Variants in SOX6 observed in about 807,000 individuals in gnomAD.
SOX6 encodes transcription factor SOX-6.
Under a neutral mutation model 97.8 loss-of-function variants are expected in SOX6, and 11 were observed. The observed-to-expected ratio is 0.11, with a 90% CI of 0.07 to 0.19. The LOEUF (loss-of-function observed/expected upper bound fraction) is 0.19, where lower values mean the gene tolerates loss of function less well. Ranked by LOEUF, SOX6 falls within the 10% of genes least tolerant of loss-of-function variation. The probability of loss-of-function intolerance (pLI) is 1.00; values close to 1 mark genes in which losing one functional copy is unlikely to be tolerated. For synonymous variants in SOX6, 360 were observed against 371.4 expected (o/e 0.97, Z 0.35); for missense variants, 810 against 1,039.5 (o/e 0.78, Z 3.04).
chr11:16,180,455 T>TA (rs1443976563), intron 6 of SOX6, among the ~76,000 whole-genome samples: 1 of 151,706 alleles, frequency 6.6e-6, no homozygotes, highest in Non-Finnish European at 1.5e-5. Context: ...ATAGACTTGG[T>TA]AAAAAATATG....
intron 2 of SOX6, among the ~76,000 whole-genome samples, chr11:16,338,426 T>G (rs1856531975): frequency 6.6e-6 from 1 of 151,734 alleles, no homozygotes; most frequent in Non-Finnish European, 1.5e-5. Context: ...CCTTCTATTG[T>G]TTTTTTTCCT....
chr11:16,596,281 A>G (rs1848212385), intron 4 of SOX6, among the ~76,000 whole-genome samples: 1 of 152,234 alleles, frequency 6.6e-6, no homozygotes, highest in Non-Finnish European at 1.5e-5. Flanking sequence ...GGAAAGTAAT[A>G]ATTTGAAAGA....
intron 4 of SOX6, among the ~76,000 whole-genome samples, chr11:16,540,349 C>G (rs1460018705): frequency 6.6e-6 from 1 of 152,024 alleles, no homozygotes; most frequent in East Asian, 1.9e-4. Context: ...CTATGACAAA[C>G]CCACAGCCAA....
In SOX6 at chr11:16,601,603, GA is replaced by G. The variant is rs76555246; in HGVS notation, n.609+10477del. Among the ~76,000 whole-genome samples the G allele has an allele frequency of 3.3e-4, 50 of 152,120 alleles. No individual in the cohort carries two copies. In the East Asian group the frequency reaches 8.9e-3, roughly 27 times the overall value. Reference sequence around the variant, plus strand: ...TAACCGAACAAAACAGAAAAGCATAGAAAATATTAAAAGTAGGTGTTAAAGC... The same window carrying G: ...TAACCGAACAAAACAGAAAAGCATAGAAATATTAAAAGTAGGTGTTAAAGC... On this transcript the variant is annotated intron_variant and non_coding_transcript_variant, in intron 4 of 5. Coordinates refer to the SOX6 transcript ENST00000524520.
chr11:16,045,594 T>C (rs1193865128), intron 12 of SOX6, among the ~76,000 whole-genome samples: 2 of 152,124 alleles, frequency 1.3e-5, no homozygotes, highest in Non-Finnish European at 2.9e-5. Context: ...GCCCAGCCTA[T>C]CACTTTTACT....
At chr11:16,434,410 C>T (rs2133079231) in intron 1 of SOX6, 1 of 152,254 alleles carries the variant, frequency 6.6e-6, no homozygotes, top group South Asian at 2.1e-4. Context: ...GACTAGTGTG[C>T]AAGATAAAGA....
intron 3 of SOX6, among the ~76,000 whole-genome samples, chr11:16,662,743 T>C (rs947065230): frequency 1.2e-4 from 18 of 152,304 alleles, no homozygotes; most frequent in Admixed American, 9.8e-4. Context: ...ACCCAGGTGG[T>C]TGTGCAGTGG....
At chr11:16,639,124 T>C (rs575831372) in intron 3 of SOX6, among the ~76,000 whole-genome samples, 7 of 152,364 alleles carry the variant, frequency 4.6e-5, no homozygotes, top group African/African-American at 1.7e-4. Context: ...GTTTCAGCTT[T>C]CTACATATGG....
At chr11:16,612,832 T>C (rs1215385072) in intron 3 of SOX6, among the ~76,000 whole-genome samples, 1 of 152,122 alleles carries the variant, frequency 6.6e-6, no homozygotes, top group African/African-American at 2.4e-5. Context: ...AGCTGGAATC[T>C]GGGAACCTTA....
chr11:16,198,198 C>T (rs531292602), intron 4 of SOX6, among the ~76,000 whole-genome samples: 16 of 150,068 alleles, frequency 1.1e-4, no homozygotes, highest in South Asian at 2.1e-4. Context: ...GGATTACAGG[C>T]GCCTGCCACC....
chr11:16,118,003 C>A (rs1020425955), intron 6 of SOX6, among the ~76,000 whole-genome samples: 15 of 152,212 alleles, frequency 9.9e-5, no homozygotes, highest in Admixed American at 1.3e-4. Flanking sequence ...TCCCTAAACA[C>A]AAATTCAGAG....
intron 14 of SOX6, 100 bp from the exon 15 acceptor site, chr11:15,986,520 G>A (rs992872768): frequency 1.0e-5 from 12 of 1,147,698 alleles, no homozygotes; most frequent in African/African-American, 6.1e-5. Context: ...TCATCTGTGC[G>A]CTGGGTGGCT....
chr11:16,494,299 C>T (rs1860558940), intron 4 of SOX6, among the ~76,000 whole-genome samples: 1 of 152,124 alleles, frequency 6.6e-6, no homozygotes, highest in African/African-American at 2.4e-5. Context: ...TCCCTTGAAT[C>T]CAGAAGGCGG....
chr11:16,132,624 G>T (rs1305972724), intron 6 of SOX6, among the ~76,000 whole-genome samples: 1 of 151,202 alleles, frequency 6.6e-6, no homozygotes, highest in Non-Finnish European at 1.5e-5. Flanking sequence ...CTACTTTAGC[G>T]TTAAACAGAA....
At chr11:16,499,344 C>CAA (rs1461334747) in intron 4 of SOX6, among the ~76,000 whole-genome samples, 9 of 151,990 alleles carry the variant, frequency 5.9e-5, no homozygotes, top group Non-Finnish European at 1.3e-4. Flanking sequence ...TAAATGCCCA[C>CAA]AAGAGAAAGC....
At chr11:16,730,737 A>C (rs577008762) in intron 2 of SOX6, among the ~76,000 whole-genome samples, 1 of 152,272 alleles carries the variant, frequency 6.6e-6, no homozygotes, top group East Asian at 1.9e-4. Flanking sequence ...ACAAGAAATA[A>C]CTAAGATGAG....
At chr11:16,449,627 A>C (rs1353981703) in intron 1 of SOX6, among the ~76,000 whole-genome samples, 1 of 151,990 alleles carries the variant, frequency 6.6e-6, no homozygotes, top group South Asian at 2.1e-4. Context: ...TAAACCTCCA[A>C]TTGGTTGCCT....
chr11:16,132,389 AGAAAGAAAGAAAAAAG>A (rs1221405812), intron 6 of SOX6, among the ~76,000 whole-genome samples: 130 of 89,284 alleles, frequency 1.5e-3, no homozygotes, highest in Middle Eastern at 4.9e-3. Flanking sequence ...AAAGAAAGAA[AGAAAGAAAGAAAAAAG>A]AAAGAAAGAA....
chr11:16,104,984 C>A (rs1344146554), intron 7 of SOX6, among the ~76,000 whole-genome samples: 1 of 151,822 alleles, frequency 6.6e-6, no homozygotes, highest in African/African-American at 2.4e-5. Context: ...TAATACCAAT[C>A]CTTTTCAAAC....
Sources: allele counts gnomAD v4.1 joint callset (sites outside exome capture counted in the v4.1 genomes callset), GRCh38; gene constraint gnomAD v4.1.1; transcripts MANE v1.5; gene names NCBI Gene and HGNC (gene_info 2026-07-23, HGNC 2026-07-21).